The following BRINP1 variants were observed in gnomAD, a reference collection of about 807,000 sequenced individuals.
BRINP1 encodes the protein BMP/retinoic acid inducible neural specific 1.
BRINP1 carries 17 observed loss-of-function variants against 72.9 expected under a neutral mutation model. The observed-to-expected ratio is 0.23, with a 90% confidence interval of 0.16 to 0.35. The LOEUF (loss-of-function observed/expected upper bound fraction) is 0.35. Ranked by LOEUF, BRINP1 falls within the 10% of genes least tolerant of loss-of-function variation. The pLI, the probability that BRINP1 is intolerant of heterozygous loss-of-function variation, is 1.00. For synonymous variants in BRINP1, 418 were observed against 378.5 expected, an observed-to-expected ratio of 1.10 and a Z score of -1.21; for missense variants, 850 against 1,001.6, an observed-to-expected ratio of 0.85 and a Z score of 2.04.
At chr9:119,334,514 G>A (rs185233849) in intron 1 of BRINP1, among the ~76,000 whole-genome samples, 1 of 152,270 alleles carries the variant, frequency 6.6e-6, no homozygotes, top group Admixed American at 6.5e-5. Context: ...TATTTGTGGA[G>A]GATAAACTAG....
At position 119,214,070 on chromosome 9, in the gene BRINP1, C is replaced by A. The variant is rs369905431; in HGVS notation, c.771G>T (p.Glu257Asp). 6.2e-7 allele frequency: 1 copy of A among 1,614,164 alleles called. No homozygotes were observed. The highest frequency in any genetic ancestry group is 8.5e-7 in the Non-Finnish European group (1 of 1,180,016). The change falls in exon 6 of 8, where the codon GAG (glutamate) becomes GAT (aspartate). Residue 257 changes from glutamate (E) to aspartate (D), a missense_variant. Transcript: ENST00000265922. ...LSYIMCNGEGEYLCQNSQCRC... is the reference protein window; with the variant it reads ...LSYIMCNGEGDYLCQNSQCRC... ...GACACTGGCTGTTCTGGCACAGGTA[C>A]TCCCCCTCCCCATTGCACATGATAT...
chr9:119,244,246 T>A (rs1268294529), intron 3 of BRINP1, among the ~76,000 whole-genome samples: 1 of 152,212 alleles, frequency 6.6e-6, no homozygotes, highest in East Asian at 1.9e-4. Context: ...TCCTAGAAGC[T>A]TTACTGTTAC....
At chr9:119,309,980 A>C (rs949569009) in intron 2 of BRINP1, among the ~76,000 whole-genome samples, 4 of 152,126 alleles carry the variant, frequency 2.6e-5, no homozygotes, top group Non-Finnish European at 5.9e-5. Flanking sequence ...CAGGATGAGA[A>C]AGCTGGAAAG....
chr9:119,367,909 G>A (rs886409921), intron 1 of BRINP1, among the ~76,000 whole-genome samples: 2 of 152,062 alleles, frequency 1.3e-5, no homozygotes, highest in African/African-American at 4.8e-5. Context: ...AACTCCAGGG[G>A]AGCCATGGAG....
rs190302648 is a variant in BRINP1, at chr9:119,269,729, T to C, written c.219-20579A>G. On this transcript the variant is annotated intron_variant, in intron 2 of 7. Coordinates refer to ENST00000265922, the MANE Select transcript of BRINP1 (RefSeq NM_014618.3). ...AAAAGCAGAGGAGCCAGGAGGTTTA[T>C]ATAAATTTTGAACTTGCTTTCACAT... Among the ~76,000 whole-genome samples, 12 of 152,320 alleles carry C rather than the reference T, an allele frequency of 7.9e-5. No homozygotes were observed. The East Asian group carries it at 2.3e-3, about 29-fold the overall frequency.
At chr9:119,328,171 G>A (rs1019403795) in intron 1 of BRINP1, among the ~76,000 whole-genome samples, 1 of 152,144 alleles carries the variant, frequency 6.6e-6, no homozygotes, top group Admixed American at 6.5e-5. Context: ...AGGGGAGCAG[G>A]GGTGTGTAAG....
intron 1 of BRINP1, among the ~76,000 whole-genome samples, chr9:119,347,378 C>T (rs780342954): frequency 1.8e-4 from 27 of 152,282 alleles, no homozygotes; most frequent in Non-Finnish European, 3.4e-4. Context: ...ACCTCAGTTC[C>T]CACACCAGTT....
chr9:119,222,972 T>C (rs1830056179), intron 5 of BRINP1, among the ~76,000 whole-genome samples: 1 of 152,066 alleles, frequency 6.6e-6, no homozygotes, highest in Non-Finnish European at 1.5e-5. Flanking sequence ...CTGTGCTACC[T>C]GATCCCTGGA....
At chr9:119,352,774 C>G (rs1473096284) in intron 1 of BRINP1, among the ~76,000 whole-genome samples, 1 of 152,162 alleles carries the variant, frequency 6.6e-6, no homozygotes, top group Non-Finnish European at 1.5e-5. Context: ...TTTTATTGTT[C>G]TAAGATTCTC....
At chr9:119,229,151 C>T (rs1248412675) in intron 5 of BRINP1, among the ~76,000 whole-genome samples, 1 of 152,030 alleles carries the variant, frequency 6.6e-6, no homozygotes, top group African/African-American at 2.4e-5. Flanking sequence ...GAAGGATTTG[C>T]TGAGTTCCTG....
chr9:119,203,224 ATCAAGTCCAACAG>A (rs1829822347), intron 7 of BRINP1, among the ~76,000 whole-genome samples: 1 of 152,108 alleles, frequency 6.6e-6, no homozygotes, highest in Non-Finnish European at 1.5e-5. Flanking sequence ...GATCTTGACC[ATCAAGTCCAACAG>A]TAAAGTCAGC....
chr9:119,302,276 T>A (rs915585689), intron 2 of BRINP1, among the ~76,000 whole-genome samples: 1 of 152,118 alleles, frequency 6.6e-6, no homozygotes, highest in African/African-American at 2.4e-5. Context: ...TGCAAAAAAT[T>A]AATAAGGAAG....
chr9:119,362,711 C>T (rs1392209616), intron 1 of BRINP1, among the ~76,000 whole-genome samples: 2 of 152,212 alleles, frequency 1.3e-5, no homozygotes, highest in African/African-American at 2.4e-5. Context: ...ATTTCCCCTA[C>T]TCTTGTTTCT....
At chr9:119,334,679 CTTAAGTGTT>C (rs923306560) in intron 1 of BRINP1, among the ~76,000 whole-genome samples, 10 of 148,460 alleles carry the variant, frequency 6.7e-5, no homozygotes, top group African/African-American at 2.5e-4. Flanking sequence ...GGAAGGTAGA[CTTAAGTGTT>C]TTCTTATGTT....
intron 2 of BRINP1, among the ~76,000 whole-genome samples, chr9:119,250,016 GGGAGGGAA>G (rs1478662006): frequency 7.7e-6 from 1 of 129,482 alleles, no homozygotes; most frequent in Admixed American, 7.5e-5. Context: ...GAGAAAGGGA[GGGAGGGAA>G]GGAGGGAAGG....
chr9:119,363,647 C>A (rs1411323668), intron 1 of BRINP1, among the ~76,000 whole-genome samples: 3 of 152,208 alleles, frequency 2.0e-5, no homozygotes, highest in Non-Finnish European at 4.4e-5. Context: ...TTATTCATCT[C>A]GCTCCTCTAG....
chr9:119,334,529 T>C (rs751715533), intron 1 of BRINP1, among the ~76,000 whole-genome samples: 4 of 152,154 alleles, frequency 2.6e-5, no homozygotes, highest in Middle Eastern at 3.2e-3. Context: ...AACTAGAGCA[T>C]GCCATCAGGT....
chr9:119,206,351 C>T (rs768498118), intron 7 of BRINP1, among the ~76,000 whole-genome samples: 9 of 141,056 alleles, frequency 6.4e-5, no homozygotes, highest in Non-Finnish European at 1.2e-4. Flanking sequence ...ACCTGGGAGA[C>T]GGAGGTTGCA....
chr9:119,369,381 C>G lies in BRINP1; in HGVS notation c.-376G>C, dbSNP rs536042617. On this transcript the variant is annotated 5_prime_UTR_variant, in exon 1 of 8. Transcript: ENST00000265922. The stretch of plus-strand genomic sequence containing the variant: ...CGCTCGCCTGCGCTCTCCTCCTCCC[C>G]GCGCGCCAGATCAGTTTGCAGCCGT... 7.6e-6 allele frequency: 3 copies of G among 397,192 alleles called. No individual in the cohort carries two copies. In the East Asian group the frequency reaches 1.1e-4, roughly 14 times the overall value. The allele number at this position is 397,192 out of a possible 1,614,324, so 24.6% of individuals were successfully genotyped here.
Sources: allele counts gnomAD v4.1 joint callset (sites outside exome capture counted in the v4.1 genomes callset), GRCh38; gene constraint gnomAD v4.1.1; transcripts MANE v1.5; gene names NCBI Gene and HGNC (gene_info 2026-07-23, HGNC 2026-07-21).